Variants in PDE4D observed in about 807,000 individuals in gnomAD.
PDE4D encodes 3',5'-cyclic-AMP phosphodiesterase 4D.
In PDE4D, 24 loss-of-function variants were observed where a neutral mutation model predicts 87.4. The observed-to-expected ratio is 0.27, with a 90% CI of 0.20 to 0.39. The LOEUF (loss-of-function observed/expected upper bound fraction) is 0.39, where lower values mean the gene tolerates loss of function less well. PDE4D is among the 10% of genes least tolerant of loss of function. The pLI, the probability that PDE4D is intolerant of heterozygous loss-of-function variation, is 1.00. For synonymous variants in PDE4D, 384 were observed against 383.2 expected, an observed-to-expected ratio of 1.00 and a Z score of -0.02; for missense variants, 714 against 1,041.0, an observed-to-expected ratio of 0.69 and a Z score of 4.32.
At chr5:60,392,101 A>G (rs1380786562) in intron 1 of PDE4D, among the ~76,000 whole-genome samples, 1 of 152,200 alleles carries the variant, frequency 6.6e-6, no homozygotes, top group Non-Finnish European at 1.5e-5. Flanking sequence ...TGAATTGTGG[A>G]GAAATCTTTT....
intron 1 of PDE4D, among the ~76,000 whole-genome samples, chr5:60,319,292 G>T (rs1367280267): frequency 6.6e-6 from 1 of 152,228 alleles, no homozygotes; most frequent in South Asian, 2.1e-4. Context: ...ACTGAGGCTT[G>T]TGCATTGGTC....
At chr5:60,072,664 AT>A (rs1329569031) in intron 2 of PDE4D, among the ~76,000 whole-genome samples, 4 of 152,196 alleles carry the variant, frequency 2.6e-5, no homozygotes, top group African/African-American at 9.6e-5. Flanking sequence ...TCTCTAACCC[AT>A]CTTGAGTTAA....
At chr5:60,010,854 G>C (rs1442179129) in intron 2 of PDE4D, among the ~76,000 whole-genome samples, 1 of 151,928 alleles carries the variant, frequency 6.6e-6, no homozygotes, top group Non-Finnish European at 1.5e-5. Context: ...TTCAGTTATT[G>C]GTATTATCTA....
intron 1 of PDE4D, among the ~76,000 whole-genome samples, chr5:59,739,910 CAT>C (rs1331749924): frequency 3.9e-5 from 6 of 152,126 alleles, no homozygotes; most frequent in Admixed American, 1.3e-4. Context: ...TATGAAATAA[CAT>C]AAATATAAAT....
chr5:59,467,059 A>G (rs1010829345), intron 1 of PDE4D, among the ~76,000 whole-genome samples: 3 of 152,182 alleles, frequency 2.0e-5, no homozygotes, highest in African/African-American at 7.2e-5. Flanking sequence ...AGACACATAC[A>G]GAGGAAAGAC....
intron 1 of PDE4D, among the ~76,000 whole-genome samples, chr5:60,509,329 C>T (rs998907947): frequency 2.0e-5 from 3 of 152,304 alleles, no homozygotes; most frequent in African/African-American, 7.2e-5. Context: ...GGCTGAGCAT[C>T]CCTTGTTCAC....
chr5:59,925,624 A>G (rs1755169781), intron 3 of PDE4D, among the ~76,000 whole-genome samples: 1 of 152,200 alleles, frequency 6.6e-6, no homozygotes, highest in Non-Finnish European at 1.5e-5. Context: ...CAAGAAATGC[A>G]CTTCGCTGAT....
intron 1 of PDE4D, among the ~76,000 whole-genome samples, chr5:60,504,910 C>T (rs988339759): frequency 6.6e-6 from 1 of 152,124 alleles, no homozygotes; most frequent in Non-Finnish European, 1.5e-5. Flanking sequence ...CCTATCCTCC[C>T]CCAACAAAAG....
At chr5:60,093,360 G>A (rs1775340018) in intron 2 of PDE4D, among the ~76,000 whole-genome samples, 1 of 152,180 alleles carries the variant, frequency 6.6e-6, no homozygotes, top group African/African-American at 2.4e-5. Context: ...GGTGACCAAA[G>A]GAGGGGTGAA....
intron 1 of PDE4D, among the ~76,000 whole-genome samples, chr5:59,351,804 T>C (rs964238896): frequency 2.6e-5 from 4 of 152,184 alleles, no homozygotes; most frequent in African/African-American, 9.7e-5. Flanking sequence ...TTTTAACTGA[T>C]TACTAAGCCC....
At chr5:59,919,803 C>T (rs958177704) in intron 3 of PDE4D, among the ~76,000 whole-genome samples, 3 of 152,126 alleles carry the variant, frequency 2.0e-5, no homozygotes, top group Admixed American at 6.6e-5. Flanking sequence ...CATGTATATG[C>T]GCATATATTT....
rs924584505 is a variant in PDE4D, at chr5:58,986,099, C to T, written c.1552+2394G>A. Among the ~76,000 whole-genome samples, 5 of 152,300 alleles carry T rather than the reference C, an allele frequency of 3.3e-5. No individual in the cohort carries two copies. The South Asian group carries it at 6.2e-4, about 19-fold the overall frequency. On this transcript the variant is annotated intron_variant, in intron 11 of 14. Coordinates refer to ENST00000340635, the MANE Select transcript of PDE4D (RefSeq NM_001104631.2). ...CTGGCAACTGTGAACTTCCCTATGT[C>T]GCTGTGGTCACACAGAAAGGAGATC...
rs977195400 is a variant in PDE4D at position 59,893,155 on chromosome 5, G to A, written c.455+13C>T. The A allele has an allele frequency of 5.2e-6, 8 of 1,550,468 alleles. No individual in the cohort carries two copies. The African/African-American group carries it at 6.8e-5, about 13-fold the overall frequency. On this transcript the variant is annotated intron_variant, in intron 1 of 14. Coordinates refer to ENST00000340635, the MANE Select transcript of PDE4D (RefSeq NM_001104631.2). ...CCTTTGCCTGAATGGGGGAGGGGGCGCTCTCCACTCACCGCCTGAGTCCCT... is the reference window on the plus strand; with the variant it reads ...CCTTTGCCTGAATGGGGGAGGGGGCACTCTCCACTCACCGCCTGAGTCCCT...
At chr5:60,130,777 T>C (rs1378717995) in intron 2 of PDE4D, among the ~76,000 whole-genome samples, 2 of 152,170 alleles carry the variant, frequency 1.3e-5, no homozygotes, top group Admixed American at 1.3e-4. Context: ...GACCATCACA[T>C]TGAGCTTTAA....
At chr5:60,373,185 G>C (rs1761170637) in intron 1 of PDE4D, among the ~76,000 whole-genome samples, 1 of 152,194 alleles carries the variant, frequency 6.6e-6, no homozygotes, top group South Asian at 2.1e-4. Flanking sequence ...TTGGTTGGTT[G>C]TTGGTTTTTA....
At chr5:60,234,150 A>G (rs1273845514) in intron 1 of PDE4D, among the ~76,000 whole-genome samples, 2 of 151,834 alleles carry the variant, frequency 1.3e-5, no homozygotes, top group Admixed American at 1.3e-4. Context: ...ATCAACTTTC[A>G]TAGATTTGTC....
chr5:60,439,820 A>G (rs572654986), intron 1 of PDE4D, among the ~76,000 whole-genome samples: 100 of 149,982 alleles, frequency 6.7e-4, no homozygotes, highest in Non-Finnish European at 1.1e-3. Context: ...TCATCTTCCC[A>G]CTCTCTGTCT....
At position 59,574,133 on chromosome 5, in the gene PDE4D, TATATATATATAA is replaced by T. The variant is rs1561242023; in HGVS notation, c.455+319023_455+319034del. Among the ~76,000 whole-genome samples, 10 of 3,662 alleles carry T rather than the reference TATATATATATAA, an allele frequency of 2.7e-3. No homozygotes were observed. The Admixed American group carries it at 0.028, about 10-fold the overall frequency. The allele number at this position is 3,662 out of a possible 152,430, so 2.4% of individuals were successfully genotyped here. A position where few individuals can be genotyped will look rare whatever the true frequency, so the allele number is the denominator to read the frequency against. On this transcript the variant is annotated intron_variant, in intron 1 of 14. Transcript: ENST00000340635. ...ATATATATATAAATATATATTTATA[TATATATATATAA>T]ATATATATTTATATATATATATATA...
intron 5 of PDE4D, among the ~76,000 whole-genome samples, chr5:59,089,728 A>G (rs1768354338): frequency 6.6e-6 from 1 of 152,182 alleles, no homozygotes; most frequent in Non-Finnish European, 1.5e-5. Context: ...AATTAGCCAT[A>G]TAATAGTAGA....
Sources: allele counts gnomAD v4.1 joint callset (sites outside exome capture counted in the v4.1 genomes callset), GRCh38; gene constraint gnomAD v4.1.1; transcripts MANE v1.5; gene names NCBI Gene and HGNC (gene_info 2026-07-23, HGNC 2026-07-21).